Variants in SIPA1L1 observed in about 807,000 individuals in gnomAD.
SIPA1L1 encodes the protein signal-induced proliferation-associated 1-like protein 1.
A neutral mutation model predicts 162.7 loss-of-function variants in SIPA1L1; 26 were observed. The observed-to-expected ratio is 0.16, with a 90% CI of 0.12 to 0.22. The LOEUF (loss-of-function observed/expected upper bound fraction) is 0.22, where lower values mean the gene tolerates loss of function less well. SIPA1L1 is among the 10% of genes least tolerant of loss of function. The pLI, the probability that SIPA1L1 is intolerant of heterozygous loss-of-function variation, is 1.00. For missense variants in SIPA1L1, 1,874 were observed against 2,241.0 expected (o/e 0.84, Z 3.31); for synonymous variants, 829 against 837.4 (o/e 0.99, Z 0.17).
chr14:71,362,559 C>A (rs2037911478), intron 2 of SIPA1L1, among the ~76,000 whole-genome samples: 1 of 152,164 alleles, frequency 6.6e-6, no homozygotes, highest in Non-Finnish European at 1.5e-5. Flanking sequence ...CTGCAGAAAC[C>A]ATTTGGCTTT....
At chr14:71,544,157 G>GTATATACA (rs1163960756) in intron 4 of SIPA1L1, among the ~76,000 whole-genome samples, 3,756 of 148,988 alleles carry the variant, frequency 0.025, 99 homozygotes, top group Admixed American at 0.043. Context: ...GCACGTGTGT[G>GTATATACA]TATATGTACA....
At chr14:71,379,301 CTT>C (rs778659338) in intron 2 of SIPA1L1, among the ~76,000 whole-genome samples, 2 of 142,512 alleles carry the variant, frequency 1.4e-5, no homozygotes, top group Admixed American at 7.1e-5. Flanking sequence ...TTCTTTCTTT[CTT>C]TTTTTTTTTT....
At chr14:71,478,215 G>C (rs969364002) in intron 2 of SIPA1L1, among the ~76,000 whole-genome samples, 1 of 152,006 alleles carries the variant, frequency 6.6e-6, no homozygotes, top group South Asian at 2.1e-4. Context: ...TTTTTAAATT[G>C]GGTTATTTCT....
At chr14:71,434,997 T>G (rs2044267261) in intron 2 of SIPA1L1, among the ~76,000 whole-genome samples, 1 of 152,152 alleles carries the variant, frequency 6.6e-6, no homozygotes, top group Non-Finnish European at 1.5e-5. Flanking sequence ...TTAAGTTGTT[T>G]CCAATCTTTT....
In SIPA1L1 at chr14:71,408,568, G is replaced by C. The variant is rs138180391; in HGVS notation, c.-465+87387G>C. Among the ~76,000 whole-genome samples the C allele has an allele frequency of 1.3e-3, 202 of 152,312 alleles. 1 individual carries two copies. The highest frequency in any genetic ancestry group is 4.5e-3 in the African/African-American group (188 of 41,568). ...TGATGGGGACTCTCGCTCGAGGATTGTTCACATAGCTCTTGCAGTGCCAAG... is the reference window on the plus strand; with the variant it reads ...TGATGGGGACTCTCGCTCGAGGATTCTTCACATAGCTCTTGCAGTGCCAAG... On this transcript the variant is annotated intron_variant, in intron 2 of 23. Transcript: ENST00000381232.
chr14:71,385,670 C>T, intron 2 of SIPA1L1, among the ~76,000 whole-genome samples: 1 of 146,306 alleles, frequency 6.8e-6, no homozygotes. Flanking sequence ...AGATGCTTTA[C>T]TTTCTTTTGT....
intron 4 of SIPA1L1, among the ~76,000 whole-genome samples, chr14:71,539,166 A>T (rs888009130): frequency 1.3e-5 from 2 of 152,194 alleles, no homozygotes; most frequent in African/African-American, 4.8e-5. Flanking sequence ...CCATTCAAGG[A>T]TGCTCTCTAC....
At chr14:71,474,888 G>A (rs946077121) in intron 2 of SIPA1L1, among the ~76,000 whole-genome samples, 6 of 152,110 alleles carry the variant, frequency 3.9e-5, no homozygotes, top group Admixed American at 1.3e-4. Context: ...GCTGTAAATC[G>A]TGTAAAATGA....
At chr14:71,511,009 C>A (rs940045638) in intron 2 of SIPA1L1, among the ~76,000 whole-genome samples, 2 of 152,112 alleles carry the variant, frequency 1.3e-5, no homozygotes, top group African/African-American at 2.4e-5. Flanking sequence ...TACCATTGAT[C>A]TACTTTTCTT....
chr14:71,322,562 A>C (rs1384799989), intron 2 of SIPA1L1, among the ~76,000 whole-genome samples: 1 of 152,258 alleles, frequency 6.6e-6, no homozygotes, highest in Non-Finnish European at 1.5e-5. Context: ...ATGACATCCC[A>C]GTTATTAACT....
chr14:71,648,846 A>G (rs1013672186), intron 7 of SIPA1L1, among the ~76,000 whole-genome samples: 1 of 152,188 alleles, frequency 6.6e-6, no homozygotes, highest in African/African-American at 2.4e-5. Context: ...GGTGATAGTT[A>G]ATGGAGCTGA....
chr14:71,731,410 T>C (rs764884495), intron 20 of SIPA1L1, among the ~76,000 whole-genome samples: 1 of 152,194 alleles, frequency 6.6e-6, no homozygotes, highest in Non-Finnish European at 1.5e-5. Flanking sequence ...TCACCTCCGA[T>C]GAACCAAGGT....
At chr14:71,336,415 C>T (rs979267650) in intron 2 of SIPA1L1, among the ~76,000 whole-genome samples, 1 of 152,174 alleles carries the variant, frequency 6.6e-6, no homozygotes, top group Non-Finnish European at 1.5e-5. Flanking sequence ...TACTTTCTGT[C>T]TTTATAGATT....
chr14:71,332,089 A>G (rs1356282818), intron 2 of SIPA1L1, among the ~76,000 whole-genome samples: 3 of 152,228 alleles, frequency 2.0e-5, no homozygotes, highest in Admixed American at 6.5e-5. Context: ...GTATGCTTGT[A>G]TGTAGTAGGC....
chr14:71,561,751 C>T (rs2056813275), intron 4 of SIPA1L1, among the ~76,000 whole-genome samples: 1 of 152,274 alleles, frequency 6.6e-6, no homozygotes, highest in South Asian at 2.1e-4. Flanking sequence ...CCACGCCCAG[C>T]TAATTTTGTA....
intron 5 of SIPA1L1, among the ~76,000 whole-genome samples, chr14:71,590,817 G>T (rs529267686): frequency 6.6e-6 from 1 of 152,248 alleles, no homozygotes; most frequent in South Asian, 2.1e-4. Flanking sequence ...ATTCTTTGTT[G>T]GGGTAGCGTG....
chr14:71,446,894 G>GTTTTTTTTTTTTTTTTTTTTTTTTT lies in SIPA1L1; in HGVS notation c.-464-65838_-464-65837insTTTTTTTTTTTTTTTTTTTTTTTTT, dbSNP rs765106790. ...CTGCAAATAAAGAGAGATGGGCTCT[G>GTTTTTTTTTTTTTTTTTTTTTTTTT]TTTTTTTTTTTGTTTTTTTTTTTTT... On this transcript the variant is annotated intron_variant, in intron 2 of 23. Coordinates refer to ENST00000381232, the MANE Select transcript of SIPA1L1 (RefSeq NM_001386936.1). 9.2e-5 allele frequency among the ~76,000 whole-genome samples: 8 copies of GTTTTTTTTTTTTTTTTTTTTTTTTT among 87,400 alleles called. 2 individuals are homozygous for GTTTTTTTTTTTTTTTTTTTTTTTTT. Among genetic ancestry groups the GTTTTTTTTTTTTTTTTTTTTTTTTT allele is most frequent in the African/African-American group, 2.6e-4 (6 of 22,998 alleles). The allele number at this position is 87,400 out of a possible 152,430, so 57.3% of individuals were successfully genotyped here. A position where few individuals can be genotyped will look rare whatever the true frequency, so the allele number is the denominator to read the frequency against.
At position 71,417,469 on chromosome 14, in the gene SIPA1L1, C is replaced by CAAAAAA. The variant is rs58628136; in HGVS notation, c.-464-95245_-464-95240dup. Among the ~76,000 whole-genome samples, 164 of 17,768 alleles carry CAAAAAA rather than the reference C, an allele frequency of 9.2e-3. 37 individuals are homozygous for CAAAAAA. Among genetic ancestry groups the CAAAAAA allele is most frequent in the African/African-American group, 0.02 (90 of 4,608 alleles). 11.7% of individuals were successfully genotyped at this position (17,768 alleles called of 152,430 possible). On this transcript the variant is annotated intron_variant, in intron 2 of 23. Transcript: ENST00000381232. ...CCTGGGCGACAGCGAGACTCCGTCT[C>CAAAAAA]AAAAAAAAAAAAAAAAAAAAAAAAA...
At chr14:71,710,074 G>A (rs921542631) in intron 17 of SIPA1L1, among the ~76,000 whole-genome samples, 1 of 152,188 alleles carries the variant, frequency 6.6e-6, no homozygotes, top group Non-Finnish European at 1.5e-5. Flanking sequence ...CTGAGTAACA[G>A]AGCATCGTTT....
Sources: allele counts gnomAD v4.1 joint callset (sites outside exome capture counted in the v4.1 genomes callset), GRCh38; gene constraint gnomAD v4.1.1; transcripts MANE v1.5; gene names NCBI Gene and HGNC (gene_info 2026-07-23, HGNC 2026-07-21).